ATOSA: variants seen among roughly 807,000 people sequenced by gnomAD.
ATOSA encodes the protein atos homolog protein A.
the ATOSA span, among the ~76,000 whole-genome samples, chr15:52,669,126 T>C: frequency 7.2e-5 from 11 of 152,110 alleles, no homozygotes; most frequent in African/African-American, 2.7e-4. Context: ...TTCACCATTG[T>C]TAGCCAGGAT....
the ATOSA span, among the ~76,000 whole-genome samples, chr15:52,596,539 A>G: frequency 1.3e-5 from 2 of 152,210 alleles, no homozygotes; most frequent in African/African-American, 2.4e-5. Flanking sequence ...CTTTCAGAAG[A>G]AAACAGAAAA....
the ATOSA span, among the ~76,000 whole-genome samples, chr15:52,619,630 C>T: frequency 1.8e-3 from 276 of 151,940 alleles, 1 homozygote; most frequent in East Asian, 0.025. Flanking sequence ...GTCAGGGGTT[C>T]GAGACCAGCC....
At chr15:52,600,323 G>A in the ATOSA span, 3 of 753,582 alleles carry the variant, frequency 4.0e-6, no homozygotes, top group Admixed American at 2.4e-5. Flanking sequence ...CTGTCACCCA[G>A]GCGGGAGTAC....
At chr15:52,671,183 A>G in the ATOSA span, among the ~76,000 whole-genome samples, 1 of 152,220 alleles carries the variant, frequency 6.6e-6, no homozygotes, top group Non-Finnish European at 1.5e-5. Context: ...CTTTTAAGAT[A>G]TTTTATAGTG....
chr15:52,662,574 T>C, the ATOSA span, among the ~76,000 whole-genome samples: 1 of 151,980 alleles, frequency 6.6e-6, no homozygotes, highest in Non-Finnish European at 1.5e-5. Context: ...ATCGAGACCA[T>C]CCTGGCTAAC....
At chr15:52,677,005 A>T in the ATOSA span, among the ~76,000 whole-genome samples, 1 of 152,228 alleles carries the variant, frequency 6.6e-6, no homozygotes, top group Non-Finnish European at 1.5e-5. Context: ...ACCTAAAACT[A>T]ATTTAAATCA....
the ATOSA span, among the ~76,000 whole-genome samples, chr15:52,699,574 A>G: frequency 6.6e-6 from 1 of 151,810 alleles, no homozygotes; most frequent in African/African-American, 2.4e-5. Flanking sequence ...ACTCTCCAAC[A>G]GAGTAACTCA....
At chr15:52,617,789 T>TA in the ATOSA span, among the ~76,000 whole-genome samples, 20 of 32,238 alleles carry the variant, frequency 6.2e-4, no homozygotes, top group Non-Finnish European at 1.2e-3. Flanking sequence ...TATATACAAA[T>TA]AATTTATATA....
the ATOSA span, among the ~76,000 whole-genome samples, chr15:52,702,397 A>G: frequency 1.3e-5 from 2 of 152,232 alleles, no homozygotes; most frequent in Non-Finnish European, 2.9e-5. Flanking sequence ...AAAATGTGGT[A>G]CATATACACC....
chr15:52,652,065 G>A, the ATOSA span: 1 of 1,459,356 alleles, frequency 6.9e-7, no homozygotes, highest in Non-Finnish European at 9.0e-7. Context: ...AGGCAGCAGA[G>A]TAAGAGCGCA....
At chr15:52,655,741 G>T in the ATOSA span, among the ~76,000 whole-genome samples, 1 of 152,026 alleles carries the variant, frequency 6.6e-6, no homozygotes, top group Admixed American at 6.6e-5. Flanking sequence ...GTGTAAACAC[G>T]CTTGTACAAA....
chr15:52,584,300 C>A, the ATOSA span, among the ~76,000 whole-genome samples: 1 of 151,422 alleles, frequency 6.6e-6, no homozygotes, highest in Non-Finnish European at 1.5e-5. Context: ...CACCACCATG[C>A]CCAGGTAATT....
chr15:52,695,884 A>T, the ATOSA span, among the ~76,000 whole-genome samples: 4 of 152,196 alleles, frequency 2.6e-5, no homozygotes, highest in Non-Finnish European at 5.9e-5. Context: ...GTCAGCACAA[A>T]GGCTCAAGGC....
At chr15:52,600,542 A>T in the ATOSA span, among the ~76,000 whole-genome samples, 2 of 152,266 alleles carry the variant, frequency 1.3e-5, no homozygotes, top group East Asian at 3.9e-4. Flanking sequence ...TAAAATTTCA[A>T]GTTTTAAATT....
the ATOSA span, chr15:52,651,804 T>G: frequency 5.4e-6 from 8 of 1,470,646 alleles, no homozygotes; most frequent in South Asian, 1.2e-5. Flanking sequence ...CACAGCCAAC[T>G]GGTAAACAGC....
chr15:52,601,685 A>G, the ATOSA span, among the ~76,000 whole-genome samples: 1 of 152,224 alleles, frequency 6.6e-6, no homozygotes, highest in East Asian at 1.9e-4. Context: ...TAGGTTTTCA[A>G]CCATCACTGT....
chr15:52,595,544 G>GA, the ATOSA span, among the ~76,000 whole-genome samples: 177 of 119,046 alleles, frequency 1.5e-3, no homozygotes, highest in East Asian at 6.6e-3. Context: ...AGTATGACAA[G>GA]AAAAAAAAAA....
At chr15:52,593,154 A>T in the ATOSA span, among the ~76,000 whole-genome samples, 1 of 152,052 alleles carries the variant, frequency 6.6e-6, no homozygotes. Context: ...AAAAAAAAAA[A>T]AGAACCCTAG....
At chr15:52,626,434 T>C in the ATOSA span, among the ~76,000 whole-genome samples, 4 of 150,096 alleles carry the variant, frequency 2.7e-5, no homozygotes, top group African/African-American at 7.3e-5. Context: ...CTTTGTGCAT[T>C]AAAAAACACC....
Sources: gnomAD v4.1 joint callset for allele counts (sites outside exome capture counted in the v4.1 genomes callset) on GRCh38, gnomAD v4.1.1 for gene constraint, MANE v1.5 for transcripts, NCBI Gene and HGNC (gene_info 2026-07-23, HGNC 2026-07-21) for gene names.